The following GPR107 variants were observed in gnomAD, a reference collection of about 807,000 sequenced individuals.
The protein encoded by GPR107 is G protein-coupled receptor 107, also known as protein GPR107.
GPR107 carries 31 observed loss-of-function variants against 75.5 expected under a neutral mutation model. That is an observed-to-expected ratio of 0.41 (90% confidence interval 0.31 to 0.55). The LOEUF is 0.55. GPR107 is among the 20% of genes least tolerant of loss of function. The probability of loss-of-function intolerance (pLI) is 0.26; values close to 1 mark genes in which losing one functional copy is unlikely to be tolerated. For missense variants in GPR107, 572 were observed against 665.7 expected (o/e 0.86, Z 1.55); for synonymous variants, 267 against 251.3 (o/e 1.06, Z -0.59).
rs1554900136 is a variant in GPR107 at position 130,137,473 on chromosome 9, T to G, written c.*2352T>G. ...TTCAGAAACAAAGATGGCCACAGCCTTCCTAACAAGCAGGTCATCTGGCCA... is the reference window on the plus strand; with the variant it reads ...TTCAGAAACAAAGATGGCCACAGCCGTCCTAACAAGCAGGTCATCTGGCCA... On this transcript the variant is annotated 3_prime_UTR_variant, in exon 18 of 18. Transcript: ENST00000347136. 6.6e-6 allele frequency: 1 copy of G among 152,272 alleles called. No individual in the cohort carries two copies. The highest frequency in any genetic ancestry group is 1.5e-5 in the Non-Finnish European group (1 of 68,064). The allele number at this position is 152,272 out of a possible 1,614,324, so 9.4% of individuals were successfully genotyped here.
intron 14 of GPR107, 149 bp from the exon 15 acceptor site, chr9:130,124,766 C>T (rs930974954): frequency 2.2e-5 from 13 of 596,314 alleles, no homozygotes; most frequent in East Asian, 3.2e-5. Flanking sequence ...GACCGCCCAG[C>T]GGACTTGATT....
chr9:130,091,103 C>T (rs896786420), intron 8 of GPR107, 120 bp downstream of exon 8: 2 of 647,762 alleles, frequency 3.1e-6, no homozygotes, highest in Non-Finnish European at 2.7e-6. Context: ...GACACACATT[C>T]CTGCCACTGT....
chr9:130,115,465 CT>C (rs1304209257), intron 14 of GPR107, among the ~76,000 whole-genome samples: 2 of 133,146 alleles, frequency 1.5e-5, no homozygotes, highest in African/African-American at 2.6e-5. Flanking sequence ...TTTTTGTTTT[CT>C]TTTAAAAAAA....
chr9:130,070,364 C>T (rs933730187), intron 1 of GPR107, among the ~76,000 whole-genome samples: 9 of 152,054 alleles, frequency 5.9e-5, no homozygotes, highest in East Asian at 1.9e-4. Context: ...AGTGCGGTGG[C>T]GTGATCTCGG....
intron 1 of GPR107, among the ~76,000 whole-genome samples, chr9:130,060,464 A>G (rs1829902581): frequency 7.3e-6 from 1 of 136,786 alleles, no homozygotes; most frequent in Non-Finnish European, 1.5e-5. Flanking sequence ...GCTGGAGTAC[A>G]GTGGCTATTC....
chr9:130,094,220 G>A (rs1347966557), intron 9 of GPR107, among the ~76,000 whole-genome samples: 4 of 152,132 alleles, frequency 2.6e-5, no homozygotes, highest in Admixed American at 6.5e-5. Flanking sequence ...CGAGGTGGGC[G>A]GATCATGAGG....
intron 1 of GPR107, among the ~76,000 whole-genome samples, chr9:130,056,696 T>C (rs1312815118): frequency 6.6e-6 from 1 of 151,638 alleles, no homozygotes; most frequent in Non-Finnish European, 1.5e-5. Flanking sequence ...GAGGCCGAGA[T>C]GGGCGGATCA....
intron 14 of GPR107, among the ~76,000 whole-genome samples, chr9:130,109,539 T>C (rs1192423142): frequency 1.3e-5 from 2 of 151,638 alleles, no homozygotes; most frequent in East Asian, 3.9e-4. Context: ...TTATTATATT[T>C]GTAACTTGGT....
chr9:130,088,717 A>G (rs1039001179), intron 7 of GPR107, among the ~76,000 whole-genome samples: 1 of 152,102 alleles, frequency 6.6e-6, no homozygotes, highest in African/African-American at 2.4e-5. Flanking sequence ...AGGTAATGTA[A>G]CCTGCCCTAA....
At chr9:130,128,535 C>T (rs970915732) in intron 16 of GPR107, 105 bp from the exon 17 acceptor site, 24 of 934,396 alleles carry the variant, frequency 2.6e-5, no homozygotes, top group South Asian at 2.3e-4. Flanking sequence ...AAAGAACCAT[C>T]GAGTGGTGGG....
Position 130,085,753 on chromosome 9 carries a change from G to GTTTTTTTTTTTTTTTTTT in GPR107, c.565-667_565-666insTTTTTTTTTTTTTTTTTT, listed in dbSNP as rs1189602398. Among the ~76,000 whole-genome samples the GTTTTTTTTTTTTTTTTTT allele has an allele frequency of 4.8e-3, 153 of 32,154 alleles. 3 individuals carry two copies. Among genetic ancestry groups the GTTTTTTTTTTTTTTTTTT allele is most frequent in the East Asian group, 0.01 (5 of 482 alleles). The allele number at this position is 32,154 out of a possible 152,430, so 21.1% of individuals were successfully genotyped here. On this transcript the variant is annotated intron_variant, in intron 6 of 17. Transcript: ENST00000347136. ...TTTACTGTATAAATGGCAATATTTT[G>GTTTTTTTTTTTTTTTTTT]ATTTTTTTTTTTTTTTTTGCCGGGG... is the stretch of plus-strand genomic sequence containing the variant.
chr9:130,066,243 G>A (rs556566284), intron 1 of GPR107, among the ~76,000 whole-genome samples: 53 of 152,070 alleles, frequency 3.5e-4, no homozygotes, highest in Non-Finnish European at 7.4e-4. Context: ...AGGTTGCAGT[G>A]AGCTGAAATT....
chr9:130,091,089 G>A (rs889966066), intron 8 of GPR107, 106 bp downstream of exon 8: 3 of 655,734 alleles, frequency 4.6e-6, no homozygotes, highest in Non-Finnish European at 2.7e-6. Flanking sequence ...AAAGAATGTG[G>A]GCAGACACAC....
chr9:130,057,501 TAAAA>T (rs5900883), intron 1 of GPR107, among the ~76,000 whole-genome samples: 4 of 134,920 alleles, frequency 3.0e-5, no homozygotes, highest in Non-Finnish European at 3.1e-5. Context: ...CCCTATTTCT[TAAAA>T]AAAAAAAAAA....
At chr9:130,067,729 T>G (rs1302140208) in intron 1 of GPR107, among the ~76,000 whole-genome samples, 1 of 141,750 alleles carries the variant, frequency 7.1e-6, no homozygotes, top group African/African-American at 2.6e-5. Context: ...AGCTAATGAC[T>G]GGTAGTCCCC....
chr9:130,140,002 G>A lies in GPR107; in HGVS notation c.*4881G>A, dbSNP rs1457025486. 1 of 152,212 alleles carries A rather than the reference G, an allele frequency of 6.6e-6. No individual in the cohort carries two copies. Among genetic ancestry groups the A allele is most frequent in the Non-Finnish European group, 1.5e-5 (1 of 68,046 alleles). The allele number at this position is 152,212 out of a possible 1,614,324, so 9.4% of individuals were successfully genotyped here. The stretch of plus-strand genomic sequence containing the variant: ...TGCTTTCCTGGTTAGAGATTGGGAT[G>A]CAGAAGGAGTTTTCAGTATTTTTTT... On this transcript the variant is annotated 3_prime_UTR_variant, in exon 18 of 18. Transcript: ENST00000347136. This position sits in a 1 kb window ranked among gnomAD's most constrained non-coding sequence, Gnocchi z 4.0.
At chr9:130,072,206 A>T (rs1463079734) in intron 1 of GPR107, among the ~76,000 whole-genome samples, 1 of 147,518 alleles carries the variant, frequency 6.8e-6, no homozygotes, top group Admixed American at 6.7e-5. Context: ...CTATTTATTT[A>T]TTTTTTTATT....
chr9:130,097,854 G>A (rs781442047), intron 9 of GPR107, among the ~76,000 whole-genome samples: 13 of 151,182 alleles, frequency 8.6e-5, no homozygotes, highest in Non-Finnish European at 1.3e-4. Flanking sequence ...CTATAGGGAC[G>A]CACCACCACT....
chr9:130,124,666 G>A (rs548375686), intron 14 of GPR107, among the ~76,000 whole-genome samples: 394 of 152,292 alleles, frequency 2.6e-3, no homozygotes, highest in South Asian at 4.4e-3. Context: ...CTGACCCTGG[G>A]GCGGGAATCG....
Sources: gnomAD v4.1 joint callset for allele counts (sites outside exome capture counted in the v4.1 genomes callset) on GRCh38, gnomAD v4.1.1 for gene constraint, Gnocchi (gnomAD v3.1) non-coding constraint, MANE v1.5 for transcripts, NCBI Gene and HGNC (gene_info 2026-07-23, HGNC 2026-07-21) for gene names.